Variants in C12orf57 observed in about 807,000 individuals in gnomAD.
The protein encoded by C12orf57 is chromosome 12 open reading frame 57.
A neutral mutation model predicts 11.3 loss-of-function variants in C12orf57; 14 were observed. The ratio of observed to expected loss-of-function variants is 1.24; its 90% CI spans 0.82 to 1.94. The LOEUF is 1.94. Among genes scored for constraint, C12orf57 ranks in the 30% most tolerant of loss-of-function variants. C12orf57 has a pLI of 0.00. For synonymous variants in C12orf57, 100 were observed against 74.6 expected, an observed-to-expected ratio of 1.34 and a Z score of -1.76; for missense variants, 229 against 172.4, an observed-to-expected ratio of 1.33 and a Z score of -1.84.
rs376919198 is a variant in C12orf57 at position 6,944,079 on chromosome 12, G to C, written c.-43G>C. On this transcript the variant is annotated 5_prime_UTR_variant, in exon 1 of 3. Transcript: ENST00000229281. The stretch of plus-strand genomic sequence containing the variant: ...GTAGGACGTGGCTCTTTATTCGTGA[G>C]TTTTCCATTTACCTCCGCTGAACCT... 1 of 1,613,972 alleles carries C rather than the reference G, an allele frequency of 6.2e-7. No homozygotes were observed. The highest frequency in any genetic ancestry group is 2.2e-5 in the East Asian group (1 of 44,882).
chr12:6,944,054 G>A lies in C12orf57; in HGVS notation c.-68G>A, dbSNP rs1024641065. On this transcript the variant is annotated 5_prime_UTR_variant, in exon 1 of 3. Coordinates refer to ENST00000229281, the MANE Select transcript of C12orf57 (RefSeq NM_138425.4). ...GCTCCCAGGGGCGTTGGGAACGGTT[G>A]TAGGACGTGGCTCTTTATTCGTGAG... 1.1e-5 allele frequency: 17 copies of A among 1,612,568 alleles called. No individual in the cohort carries two copies. Among genetic ancestry groups the A allele is most frequent in the African/African-American group, 2.7e-5 (2 of 74,936 alleles).
chr12:6,945,708 C>T (rs781921922), intron 2 of C12orf57, 63 bp from the exon 3 acceptor site: 116 of 1,559,212 alleles, frequency 7.4e-5, no homozygotes, highest in Admixed American at 1.6e-4. Flanking sequence ...CTACCACCCC[C>T]TCCAGGTGTC....
upstream of C12orf57, chr12:6,943,675 G>T (rs1434916781): frequency 2.3e-6 from 3 of 1,283,196 alleles, no homozygotes; most frequent in South Asian, 1.3e-5. Context: ...AAGTTCCTTA[G>T]AATATTATTT....
chr12:6,944,757 A>ACACG, intron 2 of C12orf57, 105 bp downstream of exon 2: 1 of 1,560,942 alleles, frequency 6.4e-7, no homozygotes. Flanking sequence ...CTTTCTCGCC[A>ACACG]CACGGCGGCA....
chr12:6,944,441 C>T lies in C12orf57; in HGVS notation c.53-35C>T, dbSNP rs781925577. 5.0e-6 allele frequency: 8 copies of T among 1,601,876 alleles called. No homozygotes were observed. The East Asian group carries it at 1.6e-4, about 32-fold the overall frequency. ...CCGCTGTCTGTTCTCCGACGCCTAC[C>T]CGGGACGCCTCCCTGGGATGCTTCT... On this transcript the variant is annotated intron_variant, in intron 1 of 2. Coordinates refer to ENST00000229281, the MANE Select transcript of C12orf57 (RefSeq NM_138425.4).
rs782678152 is a variant in C12orf57, at chr12:6,945,991, G to A, written c.*69G>A. 4.6e-6 allele frequency: 7 copies of A among 1,528,114 alleles called. No homozygotes were observed. In the East Asian group the frequency reaches 1.2e-4, roughly 26 times the overall value. 94.7% of individuals were successfully genotyped at this position (1,528,114 alleles called of 1,614,324 possible). A position where few individuals can be genotyped will look rare whatever the true frequency, so the allele number is the denominator to read the frequency against. On this transcript the variant is annotated 3_prime_UTR_variant, in exon 3 of 3. Coordinates refer to ENST00000229281, the MANE Select transcript of C12orf57 (RefSeq NM_138425.4). ...TGATGTTCCAGACAATAATAAATGC[G>A]CCTGTGACTTAGCCTTGGTGTCAGT...
intron 1 of C12orf57, 50 bp from the exon 2 acceptor site, chr12:6,944,426 T>C (rs1555145954): frequency 1.3e-6 from 2 of 1,589,920 alleles, no homozygotes; most frequent in South Asian, 1.1e-5. Context: ...CCGCTGTCTG[T>C]TCTCCGACGC....
intron 1 of C12orf57, 114 bp downstream of exon 1, chr12:6,944,287 C>G (rs1945732682): frequency 6.3e-7 from 1 of 1,598,494 alleles, no homozygotes; most frequent in African/African-American, 1.3e-5. Context: ...CTGGCTACGT[C>G]CGCCGGGAAA....
chr12:6,944,431 C>T (rs782367847), intron 1 of C12orf57, 45 bp from the exon 2 acceptor site: 3 of 1,592,892 alleles, frequency 1.9e-6, no homozygotes, highest in Admixed American at 1.8e-5. Flanking sequence ...GTCTGTTCTC[C>T]GACGCCTACC....
chr12:6,943,814 A>T (rs782566792), upstream of C12orf57: 5 of 860,832 alleles, frequency 5.8e-6, no homozygotes, highest in Non-Finnish European at 8.1e-6. Flanking sequence ...ACACATACGC[A>T]GCAGTGTTAC....
upstream of C12orf57, chr12:6,943,512 T>G (rs1565572103): frequency 7.8e-6 from 10 of 1,277,836 alleles, no homozygotes; most frequent in South Asian, 8.9e-5. Flanking sequence ...GACAACGGCT[T>G]TTGCTCTGGG....
rs372251126 is a variant in C12orf57 at position 6,944,189 on chromosome 12, G to C, written c.52+16G>C. ...CAAGCAAAGGGTGAGAATCGTCCTA[G>C]TCAAGGCATAGGCTGCTGGCCTGGG... On this transcript the variant is annotated intron_variant, in intron 1 of 2. Coordinates refer to ENST00000229281, the MANE Select transcript of C12orf57 (RefSeq NM_138425.4). 133 of 1,565,858 alleles carry C rather than the reference G, an allele frequency of 8.5e-5. No homozygotes were observed. The highest frequency in any genetic ancestry group is 1.1e-4 in the Non-Finnish European group (128 of 1,140,616).
upstream of C12orf57, chr12:6,943,994 G>T (rs756179045): frequency 1.3e-6 from 2 of 1,589,034 alleles, no homozygotes; most frequent in South Asian, 2.3e-5. Context: ...CCACGCCTGG[G>T]CGCTTCCGGC....
At chr12:6,943,892 T>G (rs192476192), upstream of C12orf57, 45 of 1,068,254 alleles carry the variant, frequency 4.2e-5, no homozygotes, top group African/African-American at 6.5e-5. Context: ...ATGATGTTTG[T>G]TGCCAATGAT....
chr12:6,944,026 T>TA lies in C12orf57; in HGVS notation c.-96_-95insA. The TA allele has an allele frequency of 1.2e-6, 2 of 1,608,090 alleles. No individual in the cohort carries two copies. The highest frequency in any genetic ancestry group is 1.7e-6 in the Non-Finnish European group (2 of 1,179,450). On this transcript the variant is annotated 5_prime_UTR_variant, in exon 1 of 3. Coordinates refer to ENST00000229281, the MANE Select transcript of C12orf57 (RefSeq NM_138425.4). The stretch of plus-strand genomic sequence containing the variant: ...CGGCTGCGCCGGATGCTGTTTCCTT[T>TA]CCGCTCCCAGGGGCGTTGGGAACGG...
chr12:6,943,898 A>C (rs748566380), upstream of C12orf57: 55 of 1,104,282 alleles, frequency 5.0e-5, no homozygotes, highest in Middle Eastern at 3.0e-4. Flanking sequence ...TTTGTTGCCA[A>C]TGATAGATTG....
At chr12:6,943,870 A>C (rs916709242), upstream of C12orf57, 106 of 956,374 alleles carry the variant, frequency 1.1e-4, 1 homozygote, top group Non-Finnish European at 6.8e-5. Context: ...TTTTTACCGG[A>C]AAGCCCCTCT....
upstream of C12orf57, chr12:6,943,950 A>C (rs782316405): frequency 1.3e-5 from 19 of 1,478,370 alleles, no homozygotes; most frequent in Non-Finnish European, 1.6e-5. Context: ...GGTGGTCTTG[A>C]TGCAGTTGTA....
At chr12:6,943,513 T>C, upstream of C12orf57, 1 of 1,277,898 alleles carries the variant, frequency 7.8e-7, no homozygotes, top group South Asian at 1.3e-5. Flanking sequence ...ACAACGGCTT[T>C]TGCTCTGGGC....
Sources: gnomAD v4.1 joint callset for allele counts on GRCh38, gnomAD v4.1.1 for gene constraint, MANE v1.5 for transcripts, NCBI Gene and HGNC (gene_info 2026-07-23, HGNC 2026-07-21) for gene names.